Variants in MAGOHB observed in about 807,000 individuals in gnomAD.
MAGOHB encodes the protein protein mago nashi homolog 2.
A neutral mutation model predicts 20.9 loss-of-function variants in MAGOHB; 15 were observed. That is an observed-to-expected ratio of 0.72 (90% CI 0.48 to 1.11). The LOEUF (loss-of-function observed/expected upper bound fraction) is 1.11. Among genes scored for constraint, MAGOHB ranks in the 50% least tolerant of loss-of-function variants. The pLI is 0.00. For missense variants in MAGOHB, 162 were observed against 177.6 expected, an observed-to-expected ratio of 0.91 and a Z score of 0.50; for synonymous variants, 50 against 57.9, an observed-to-expected ratio of 0.86 and a Z score of 0.62.
At chr12:10,611,814 T>C (rs1865747656) in intron 1 of MAGOHB, among the ~76,000 whole-genome samples, 2 of 136,632 alleles carry the variant, frequency 1.5e-5, no homozygotes, top group South Asian at 2.4e-4. Context: ...ATATCACCAA[T>C]GGAAGTATGT....
rs185995045 is a variant in MAGOHB at position 10,610,524 on chromosome 12, C to T, written c.153+98G>A. 3.4e-4 allele frequency: 444 copies of T among 1,319,878 alleles called. 3 individuals carry two copies. In the African/African-American group the frequency reaches 6.5e-3, roughly 19 times the overall value. 81.8% of individuals were successfully genotyped at this position (1,319,878 alleles called of 1,614,324 possible). On this transcript the variant is annotated intron_variant, in intron 2 of 4. Transcript: ENST00000320756. ...ATTGCCTTCTTCTTTACAATATAGC[C>T]TTAGATGTACTTTTTTAAATTCAAC...
At chr12:10,606,497 G>A in intron 4 of MAGOHB, 123 bp from the exon 5 acceptor site, 3 of 610,266 alleles carry the variant, frequency 4.9e-6, no homozygotes, top group East Asian at 6.3e-5. Context: ...GAGAAAGGAA[G>A]GATTTTGCTG....
At chr12:10,606,871 C>T (rs2120509830) in intron 4 of MAGOHB, among the ~76,000 whole-genome samples, 1 of 152,040 alleles carries the variant, frequency 6.6e-6, no homozygotes, top group African/African-American at 2.4e-5. Context: ...CAATGAGCAT[C>T]TTCATGCATA....
At chr12:10,609,982 T>C (rs1364127546) in intron 2 of MAGOHB, 41 bp from the exon 3 acceptor site, 2 of 1,123,638 alleles carry the variant, frequency 1.8e-6, no homozygotes, top group Non-Finnish European at 2.6e-6. Flanking sequence ...TGCCCACCTA[T>C]GTCACCCCTC....
downstream of MAGOHB, among the ~76,000 whole-genome samples, chr12:10,603,733 A>G (rs1865578227): frequency 6.6e-6 from 1 of 152,212 alleles, no homozygotes; most frequent in South Asian, 2.1e-4. Context: ...TACGGAAGTC[A>G]GCCAAGGCAG....
chr12:10,610,517 AT>A (rs1865706205), intron 2 of MAGOHB, 104 bp downstream of exon 2: 5 of 1,292,120 alleles, frequency 3.9e-6, no homozygotes, highest in Non-Finnish European at 5.1e-6. Flanking sequence ...CTTCTTTACA[AT>A]ATAGCCTTAG....
intron 2 of MAGOHB, 120 bp downstream of exon 2, chr12:10,610,502 G>T: frequency 8.8e-7 from 1 of 1,136,414 alleles, no homozygotes. Flanking sequence ...TCTATAAATT[G>T]CCTTCTTCTT....
At chr12:10,612,637 T>C in intron 1 of MAGOHB, 3 of 1,139,222 alleles carry the variant, frequency 2.6e-6, no homozygotes, top group Non-Finnish European at 3.3e-6. Flanking sequence ...CTCATTACTG[T>C]ACCTTAAAAT....
rs1019636391 is a variant in MAGOHB, at chr12:10,604,755, C to T, written c.*1520G>A. 5 of 152,156 alleles carry T rather than the reference C, an allele frequency of 3.3e-5. No individual in the cohort carries two copies. The highest frequency in any genetic ancestry group is 1.3e-4 in the Admixed American group (2 of 15,272). 9.4% of individuals were successfully genotyped at this position (152,156 alleles called of 1,614,324 possible). ...CATACAAAAGACCTGAAGATGATAG[C>T]GTACTTGCATAATGAAGTGGAAATC... On this transcript the variant is annotated 3_prime_UTR_variant, in exon 5 of 5. Coordinates refer to ENST00000320756, the MANE Select transcript of MAGOHB (RefSeq NM_018048.5).
At chr12:10,610,575 TGCAAAAAAAAAAA>T in intron 2 of MAGOHB, 34 bp downstream of exon 2, 13 of 1,204,580 alleles carry the variant, frequency 1.1e-5, no homozygotes, top group East Asian at 6.1e-5. Context: ...ATGGGCTAAA[TGCAAAAAAAAAAA>T]AAAAAAAAAA....
At chr12:10,611,832 T>C (rs1865748322) in intron 1 of MAGOHB, among the ~76,000 whole-genome samples, 1 of 147,500 alleles carries the variant, frequency 6.8e-6, no homozygotes, top group South Asian at 2.2e-4. Flanking sequence ...TGTGTAACAG[T>C]GTAGTGGCAG....
intron 1 of MAGOHB, chr12:10,612,896 A>T (rs946446799): frequency 7.8e-7 from 1 of 1,288,994 alleles, no homozygotes; most frequent in African/African-American, 1.5e-5. Flanking sequence ...TCATCTCAAG[A>T]GTGCCGTCCT....
At chr12:10,609,576 G>A in intron 3 of MAGOHB, 1 of 487,422 alleles carries the variant, frequency 2.1e-6, no homozygotes, top group Non-Finnish European at 3.7e-6. Context: ...ACTGCATTGT[G>A]AAAACATCCT....
chr12:10,599,855 A>G (rs1865537543), downstream of MAGOHB, among the ~76,000 whole-genome samples: 1 of 152,204 alleles, frequency 6.6e-6, no homozygotes, highest in African/African-American at 2.4e-5. Flanking sequence ...TTTTGTACAC[A>G]TCTTTGGAGA....
chr12:10,612,993 T>C, intron 1 of MAGOHB: 2 of 1,248,794 alleles, frequency 1.6e-6, no homozygotes, highest in Non-Finnish European at 2.1e-6. Flanking sequence ...GGTGAACAAT[T>C]ACACGTAAAC....
chr12:10,609,264 G>T (rs955484990), intron 3 of MAGOHB: 2 of 351,370 alleles, frequency 5.7e-6, no homozygotes, highest in East Asian at 7.5e-5. Flanking sequence ...TTCCTTCCAG[G>T]GGTTGTTGAA....
chr12:10,606,403 T>C (rs1319699951), intron 4 of MAGOHB, 29 bp from the exon 5 acceptor site: 2 of 1,259,376 alleles, frequency 1.6e-6, no homozygotes, highest in African/African-American at 1.5e-5. Context: ...AAAGTTACTT[T>C]TTCTTCCTAG....
Position 10,609,951 on chromosome 12 carries a change from A to G in MAGOHB, c.154-10T>C. 6.6e-7 allele frequency: 1 copy of G among 1,516,248 alleles called. No homozygotes were observed. Among genetic ancestry groups the G allele is most frequent in the Non-Finnish European group, 9.0e-7 (1 of 1,105,578 alleles). The allele number at this position is 1,516,248 out of a possible 1,614,324, so 93.9% of individuals were successfully genotyped here. ...TCTTGTGCACATAAGCCTAAAAATT[A>G]ATCATAATAAAATGAGATAATGCCC... On this transcript the variant is annotated splice_polypyrimidine_tract_variant and intron_variant, in intron 2 of 4. Coordinates refer to ENST00000320756, the MANE Select transcript of MAGOHB (RefSeq NM_018048.5).
At chr12:10,611,641 G>C (rs1266027215) in intron 1 of MAGOHB, among the ~76,000 whole-genome samples, 1 of 150,492 alleles carries the variant, frequency 6.6e-6, no homozygotes, top group Non-Finnish European at 1.5e-5. Flanking sequence ...CCAGCTACTC[G>C]GGAGGATGAG....
Sources: gnomAD v4.1 joint callset for allele counts (sites outside exome capture counted in the v4.1 genomes callset) on GRCh38, gnomAD v4.1.1 for gene constraint, MANE v1.5 for transcripts, NCBI Gene and HGNC (gene_info 2026-07-23, HGNC 2026-07-21) for gene names.